Variants in DPYD observed in about 807,000 individuals in gnomAD.
DPYD encodes dihydropyrimidine dehydrogenase [NADP(+)].
A neutral mutation model predicts 116.2 loss-of-function variants in DPYD; 109 were observed. That is an observed-to-expected ratio of 0.94 (90% CI 0.80 to 1.10). DPYD has a LOEUF of 1.10. Among genes scored for constraint, DPYD ranks in the 50% least tolerant of loss-of-function variants. The probability of loss-of-function intolerance (pLI) is 0.00; values close to 1 mark genes in which losing one functional copy is unlikely to be tolerated. For synonymous variants in DPYD, 440 were observed against 432.0 expected, an observed-to-expected ratio of 1.02 and a Z score of -0.23; for missense variants, 1,302 against 1,254.5, an observed-to-expected ratio of 1.04 and a Z score of -0.57.
chr1:97,525,425 C>T (rs775449639), intron 12 of DPYD, among the ~76,000 whole-genome samples: 7 of 152,124 alleles, frequency 4.6e-5, no homozygotes, highest in Non-Finnish European at 8.8e-5. Flanking sequence ...GCTTCCTAAT[C>T]GTACTCTGTA....
At chr1:97,463,297 T>C (rs145040062) in intron 13 of DPYD, among the ~76,000 whole-genome samples, 167 of 152,338 alleles carry the variant, frequency 1.1e-3, no homozygotes, top group Admixed American at 3.0e-3. Flanking sequence ...GATGGTTTTA[T>C]AAAGAGGAGT....
chr1:97,654,939 AG>A (rs1658815514), intron 8 of DPYD, among the ~76,000 whole-genome samples: 1 of 152,130 alleles, frequency 6.6e-6, no homozygotes, highest in Admixed American at 6.5e-5. Flanking sequence ...CAAAGAGAAA[AG>A]GGTTTCCCTT....
chr1:97,366,922 G>A (rs1671068347), intron 16 of DPYD, among the ~76,000 whole-genome samples: 1 of 151,994 alleles, frequency 6.6e-6, no homozygotes, highest in Non-Finnish European at 1.5e-5. Context: ...TTTCAACTCT[G>A]GGAAATATGG....
rs1006265122 is a variant in DPYD, at chr1:97,184,346, C to T, written c.2622+8723G>A. Reference sequence around the variant, plus strand: ...TGCTCTTTGAGGAATCAACACACTGCTTTCCACAATGGTTGAACTAATTTG... The same window carrying T: ...TGCTCTTTGAGGAATCAACACACTGTTTTCCACAATGGTTGAACTAATTTG... On this transcript the variant is annotated intron_variant, in intron 20 of 22. Coordinates refer to ENST00000370192, the MANE Select transcript of DPYD (RefSeq NM_000110.4). 2.6e-5 allele frequency among the ~76,000 whole-genome samples: 4 copies of T among 152,212 alleles called. 1 individual carries two copies. Among genetic ancestry groups the T allele is most frequent in the Middle Eastern group, 3.4e-3 (1 of 294 alleles).
intron 12 of DPYD, among the ~76,000 whole-genome samples, chr1:97,539,009 A>T (rs997672912): frequency 4.6e-5 from 7 of 152,232 alleles, no homozygotes; most frequent in Non-Finnish European, 1.0e-4. Context: ...AAGTTTGCTG[A>T]AGAAAACAGA....
intron 12 of DPYD, among the ~76,000 whole-genome samples, chr1:97,523,020 G>C (rs544087761): frequency 6.6e-6 from 1 of 152,146 alleles, no homozygotes; most frequent in Admixed American, 6.5e-5. Flanking sequence ...ATGAGAACTC[G>C]AATTTTTGCC....
At chr1:97,544,019 A>G (rs925787179) in intron 12 of DPYD, among the ~76,000 whole-genome samples, 4 of 152,182 alleles carry the variant, frequency 2.6e-5, no homozygotes, top group African/African-American at 7.2e-5. Context: ...GGGACATTCA[A>G]ATCAGCATCT....
At chr1:97,414,943 C>CT (rs1018397055) in intron 14 of DPYD, among the ~76,000 whole-genome samples, 3 of 152,220 alleles carry the variant, frequency 2.0e-5, no homozygotes, top group African/African-American at 4.8e-5. Flanking sequence ...CTATCTCATT[C>CT]TTTTTTTAAA....
intron 18 of DPYD, among the ~76,000 whole-genome samples, chr1:97,293,708 G>A (rs1257296857): frequency 6.6e-6 from 1 of 152,146 alleles, no homozygotes; most frequent in Non-Finnish European, 1.5e-5. Context: ...TTGTGGGGCT[G>A]AGGCAGATGG....
chr1:97,770,120 T>C (rs1268584021), intron 3 of DPYD, among the ~76,000 whole-genome samples: 3 of 152,212 alleles, frequency 2.0e-5, no homozygotes, highest in Non-Finnish European at 4.4e-5. Flanking sequence ...AATATGTTCA[T>C]GCTGTGCATC....
chr1:97,471,115 T>A (rs548650354), intron 13 of DPYD, among the ~76,000 whole-genome samples: 1 of 152,316 alleles, frequency 6.6e-6, no homozygotes, highest in East Asian at 1.9e-4. Context: ...AGGCCATACA[T>A]CTTTTCTGAA....
chr1:97,592,063 G>A (rs1654557656), intron 10 of DPYD, among the ~76,000 whole-genome samples: 1 of 152,120 alleles, frequency 6.6e-6, no homozygotes, highest in Non-Finnish European at 1.5e-5. Context: ...TGTAATGTGG[G>A]TAATCTACAT....
At chr1:97,513,306 C>A (rs1018566268) in intron 13 of DPYD, among the ~76,000 whole-genome samples, 4 of 151,614 alleles carry the variant, frequency 2.6e-5, no homozygotes, top group African/African-American at 7.3e-5. Flanking sequence ...AGCTGTCAAT[C>A]CAGAAAAACA....
At chr1:97,416,388 C>T (rs1674291232) in intron 14 of DPYD, among the ~76,000 whole-genome samples, 1 of 152,152 alleles carries the variant, frequency 6.6e-6, no homozygotes, top group Non-Finnish European at 1.5e-5. Flanking sequence ...GTGTATGGTG[C>T]TATATCCTTC....
At chr1:97,314,989 G>C (rs1449635096) in intron 16 of DPYD, among the ~76,000 whole-genome samples, 1 of 151,966 alleles carries the variant, frequency 6.6e-6, no homozygotes, top group African/African-American at 2.4e-5. Context: ...ATGGAAGCAG[G>C]GCTCAGACCC....
chr1:97,188,572 A>G (rs1015516717), intron 20 of DPYD, among the ~76,000 whole-genome samples: 4 of 152,212 alleles, frequency 2.6e-5, no homozygotes, highest in African/African-American at 9.6e-5. Context: ...AAAATGCAGT[A>G]CTTGCAATAC....
intron 16 of DPYD, among the ~76,000 whole-genome samples, chr1:97,330,309 T>G (rs554497558): frequency 6.6e-6 from 1 of 152,326 alleles, no homozygotes; most frequent in Non-Finnish European, 1.5e-5. Context: ...TTGTTATAAC[T>G]GTTGTTTAAT....
chr1:97,887,598 A>C (rs1672571943), intron 1 of DPYD, among the ~76,000 whole-genome samples: 1 of 151,856 alleles, frequency 6.6e-6, no homozygotes, highest in South Asian at 2.1e-4. Context: ...AATTTAAAAA[A>C]GTATGAGCCA....
rs1654644411 is a variant in DPYD at position 97,593,248 on chromosome 1, G to A, written c.1098C>T (p.Gly366=). 1.2e-6 allele frequency: 2 copies of A among 1,614,048 alleles called. No individual in the cohort carries two copies. Among genetic ancestry groups the A allele is most frequent in the Non-Finnish European group, 1.7e-6 (2 of 1,180,010 alleles). Residue 366 remains glycine (G), a synonymous_variant, in exon 10 of 23, where the codon GGC becomes GGT. Coordinates refer to ENST00000370192, the MANE Select transcript of DPYD (RefSeq NM_000110.4). ...ARRVFIVFRK[G]FVNIRAVPEE... ...CAGGGACAGCTCTTATATTAACAAA[G>A]CCTTTTCTGAAGACGATGAACACAC... is the stretch of plus-strand genomic sequence containing the variant.
Sources: gnomAD v4.1 joint callset for allele counts (sites outside exome capture counted in the v4.1 genomes callset) on GRCh38, gnomAD v4.1.1 for gene constraint, MANE v1.5 for transcripts, NCBI Gene and HGNC (gene_info 2026-07-23, HGNC 2026-07-21) for gene names.